The following SEPTIN9 variants were observed in gnomAD, a reference collection of about 807,000 sequenced individuals.
SEPTIN9 encodes septin-9.
SEPTIN9 carries 13 observed loss-of-function variants against 56.6 expected under a neutral mutation model. That is an observed-to-expected ratio of 0.23 (90% CI 0.15 to 0.37). SEPTIN9 has a LOEUF of 0.37. Among genes scored for constraint, SEPTIN9 ranks in the 10% least tolerant of loss-of-function variants. The pLI is 1.00. For missense variants in SEPTIN9, 650 were observed against 823.1 expected (o/e 0.79, Z 2.57); for synonymous variants, 332 against 334.1 (o/e 0.99, Z 0.07).
chr17:77,314,341 C>CT lies in SEPTIN9; in HGVS notation c.76+7167dup, dbSNP rs33986509. On this transcript the variant is annotated intron_variant, in intron 2 of 11. Transcript: ENST00000427177. ...ACAGGCATGAGCCACTGTGCCTGGA[C>CT]TTTTTTTTTTTTTTTTTTTTTTTGT... 2.8e-3 allele frequency among the ~76,000 whole-genome samples: 188 copies of CT among 67,898 alleles called. 1 individual carries two copies. Among genetic ancestry groups the CT allele is most frequent in the Middle Eastern group, 0.014 (1 of 72 alleles). The allele number at this position is 67,898 out of a possible 152,430, so 44.5% of individuals were successfully genotyped here. A position where few individuals can be genotyped will look rare whatever the true frequency, so the allele number is the denominator to read the frequency against.
At position 77,327,065 on chromosome 17, in the gene SEPTIN9, C is replaced by G. The variant is rs948440611; in HGVS notation, c.76+19868C>G. ...TAGTAAATTCCATGAGCCCCAGGAA[C>G]ATGTGTAAAAGAAAAAAAAAAGAAT... On this transcript the variant is annotated intron_variant, in intron 2 of 11. Coordinates refer to ENST00000427177, the MANE Select transcript of SEPTIN9 (RefSeq NM_001113491.2). This position sits in a 1 kb window ranked among gnomAD's most constrained non-coding sequence, Gnocchi z 5.0. 6.6e-6 allele frequency among the ~76,000 whole-genome samples: 1 copy of G among 151,606 alleles called. No individual in the cohort carries two copies. Among genetic ancestry groups the G allele is most frequent in the Non-Finnish European group, 1.5e-5 (1 of 67,910 alleles).
At chr17:77,362,981 C>T (rs543930645) in intron 2 of SEPTIN9, among the ~76,000 whole-genome samples, 1 of 152,310 alleles carries the variant, frequency 6.6e-6, no homozygotes, top group East Asian at 1.9e-4. Context: ...TGGCACCTGG[C>T]TTGTGGGGAA....
chr17:77,424,822 TG>T (rs1247911399), intron 3 of SEPTIN9, among the ~76,000 whole-genome samples: 4 of 152,186 alleles, frequency 2.6e-5, no homozygotes, highest in Admixed American at 2.6e-4. Context: ...CCATGCTGAC[TG>T]GCGGTCGCCG....
At chr17:77,292,235 T>A (rs1248379602) in intron 1 of SEPTIN9, among the ~76,000 whole-genome samples, 1 of 152,170 alleles carries the variant, frequency 6.6e-6, no homozygotes, top group Non-Finnish European at 1.5e-5. Context: ...CCACCTACCC[T>A]CTGCAGTCCC....
intron 3 of SEPTIN9, among the ~76,000 whole-genome samples, chr17:77,411,580 T>G (rs893637163): frequency 2.0e-5 from 3 of 151,928 alleles, no homozygotes; most frequent in African/African-American, 7.2e-5. Flanking sequence ...TTTTGTATTT[T>G]TAGTAGAGAC....
At chr17:77,320,306 C>CTGCTA (rs772281771) in intron 2 of SEPTIN9, 13 of 1,612,774 alleles carry the variant, frequency 8.1e-6, no homozygotes, top group African/African-American at 1.3e-5. Context: ...ACTCCCGCCG[C>CTGCTA]TGCTAAATAT....
intron 2 of SEPTIN9, among the ~76,000 whole-genome samples, chr17:77,347,327 G>A (rs537795489): frequency 5.2e-4 from 78 of 150,358 alleles, no homozygotes; most frequent in African/African-American, 1.8e-3. Context: ...GCAGTGAGCC[G>A]AGATTGCACC....
At chr17:77,292,701 C>A (rs781437348) in intron 1 of SEPTIN9, among the ~76,000 whole-genome samples, 7 of 152,054 alleles carry the variant, frequency 4.6e-5, no homozygotes, top group African/African-American at 7.2e-5. Context: ...CCTACATTGG[C>A]CGGGCTGGTC....
At chr17:77,397,979 G>GTTTT in intron 2 of SEPTIN9, among the ~76,000 whole-genome samples, 1 of 141,656 alleles carries the variant, frequency 7.1e-6, no homozygotes, top group Non-Finnish European at 1.6e-5. Context: ...GGTTTTGGTT[G>GTTTT]TTTTTTTTTT....
In SEPTIN9 at chr17:77,294,119, AC is replaced by A. The variant is rs1567978090; in HGVS notation, c.19+12566del. Among the ~76,000 whole-genome samples the A allele has an allele frequency of 5.4e-3, 809 of 148,958 alleles. 11 individuals carry two copies. Among genetic ancestry groups the A allele is most frequent in the African/African-American group, 0.019 (765 of 40,308 alleles). On this transcript the variant is annotated intron_variant, in intron 1 of 11. Coordinates refer to ENST00000427177, the MANE Select transcript of SEPTIN9 (RefSeq NM_001113491.2). ...ACCATGTCTCAAAAAAAAAAAAAAA[AC>A]AACAAAAAAAAACATAGGCTGGGCG...
intron 2 of SEPTIN9, among the ~76,000 whole-genome samples, chr17:77,358,391 C>T (rs551692275): frequency 3.1e-4 from 47 of 152,264 alleles, no homozygotes; most frequent in African/African-American, 1.1e-3. Context: ...GAGACCAAGG[C>T]GGGTGGATCA....
chr17:77,454,476 A>T, intron 3 of SEPTIN9: 3 of 701,218 alleles, frequency 4.3e-6, no homozygotes, highest in Non-Finnish European at 5.3e-6. Context: ...TTGATGAGGA[A>T]TTGGCTGGGA....
In SEPTIN9 at chr17:77,329,578, G is replaced by A. The variant is rs1030748622; in HGVS notation, c.76+22381G>A. The stretch of plus-strand genomic sequence containing the variant: ...GCTGGGGTGTTGGAGGAGGAAGCAC[G>A]CTCATCCCTCGTTCCTTCCTGTTTC... On this transcript the variant is annotated intron_variant, in intron 2 of 11. Transcript: ENST00000427177. This position sits in a 1 kb window ranked among gnomAD's most constrained non-coding sequence, Gnocchi z 4.3. Among the ~76,000 whole-genome samples, 2 of 152,042 alleles carry A rather than the reference G, an allele frequency of 1.3e-5. No individual in the cohort carries two copies. The highest frequency in any genetic ancestry group is 2.4e-5 in the African/African-American group (1 of 41,364).
At chr17:77,408,386 AC>A (rs1468661184) in intron 3 of SEPTIN9, among the ~76,000 whole-genome samples, 53 of 152,092 alleles carry the variant, frequency 3.5e-4, no homozygotes, top group African/African-American at 1.3e-3. Context: ...TTTTCCTGTG[AC>A]CCAGAGGGTC....
At chr17:77,454,546 G>A (rs981490666) in intron 3 of SEPTIN9, 48 of 194,470 alleles carry the variant, frequency 2.5e-4, no homozygotes, top group Non-Finnish European at 4.0e-4. Flanking sequence ...AGGAAGCAGC[G>A]GAGATCCTGG....
intron 4 of SEPTIN9, 188 bp downstream of exon 4, chr17:77,482,523 C>G (rs1281198564): frequency 4.1e-6 from 3 of 727,686 alleles, no homozygotes; most frequent in African/African-American, 3.5e-5. Flanking sequence ...CAGCCTCCAG[C>G]GGCTCCTCAG....
chr17:77,416,580 G>A (rs541467810), intron 3 of SEPTIN9, among the ~76,000 whole-genome samples: 2 of 152,332 alleles, frequency 1.3e-5, no homozygotes, highest in East Asian at 1.9e-4. Flanking sequence ...GGATGCGGTG[G>A]GAGGAAGACC....
intron 2 of SEPTIN9, among the ~76,000 whole-genome samples, chr17:77,344,387 G>A (rs2033824729): frequency 6.6e-6 from 1 of 152,212 alleles, no homozygotes; most frequent in Admixed American, 6.5e-5. Flanking sequence ...TGGAGAAATT[G>A]GAGCCCCGTG....
At chr17:77,409,949 C>T (rs957525759) in intron 3 of SEPTIN9, among the ~76,000 whole-genome samples, 4 of 152,218 alleles carry the variant, frequency 2.6e-5, no homozygotes, top group African/African-American at 9.6e-5. Flanking sequence ...CACCCTGACA[C>T]ACTGTCTCAC....
Sources: gnomAD v4.1 joint callset for allele counts (sites outside exome capture counted in the v4.1 genomes callset) on GRCh38, gnomAD v4.1.1 for gene constraint, Gnocchi (gnomAD v3.1) non-coding constraint, MANE v1.5 for transcripts, NCBI Gene and HGNC (gene_info 2026-07-23, HGNC 2026-07-21) for gene names.